VPS13B: variants seen among roughly 807,000 people sequenced by gnomAD.
The protein encoded by VPS13B is vacuolar protein sorting 13 homolog B.
In VPS13B, 285 loss-of-function variants were observed where a neutral mutation model predicts 426.4. That is an observed-to-expected ratio of 0.67 (90% confidence interval 0.61 to 0.74). The LOEUF is 0.74. VPS13B is among the 30% of genes least tolerant of loss of function. The pLI, the probability that VPS13B is intolerant of heterozygous loss-of-function variation, is 0.00. For synonymous variants in VPS13B, 1,676 were observed against 1,676.4 expected (o/e 1.00, Z 0.01); for missense variants, 4,537 against 4,782.6 (o/e 0.95, Z 1.51).
intron 19 of VPS13B, among the ~76,000 whole-genome samples, chr8:99,379,542 A>G (rs574679645): frequency 6.6e-6 from 1 of 152,230 alleles, no homozygotes; most frequent in East Asian, 1.9e-4. Flanking sequence ...GAAAATAATA[A>G]TTGGCTATCT....
At chr8:99,842,394 G>A (rs1815741149) in intron 54 of VPS13B, among the ~76,000 whole-genome samples, 1 of 151,788 alleles carries the variant, frequency 6.6e-6, no homozygotes, top group South Asian at 2.1e-4. Context: ...ATCACGTGGG[G>A]CCAGGAGTTT....
chr8:99,576,032 C>CA (rs1386667843), intron 32 of VPS13B, among the ~76,000 whole-genome samples: 1 of 152,088 alleles, frequency 6.6e-6, no homozygotes, highest in Non-Finnish European at 1.5e-5. Context: ...TTGTAGATGA[C>CA]AAAACTGAGG....
chr8:99,562,271 C>G (rs527828886), intron 31 of VPS13B, among the ~76,000 whole-genome samples: 3 of 148,994 alleles, frequency 2.0e-5, no homozygotes, highest in East Asian at 2.0e-4. Context: ...TGTCTTTTGC[C>G]CCCCCCATCC....
At position 99,431,535 on chromosome 8, in the gene VPS13B, A is replaced by C. The variant is rs1456528242; in HGVS notation, c.3083-2A>C. On this transcript the variant is annotated splice_acceptor_variant, in intron 21 of 61. Transcript: ENST00000357162. LOFTEE classifies it high-confidence loss of function. ...TAAATAATTAGCTATTCTCGTACTC[A>C]GAATCCCGCCCATTGTCAGTTCCTG... 2 of 1,613,300 alleles carry C rather than the reference A, an allele frequency of 1.2e-6. No individual in the cohort carries two copies. Among genetic ancestry groups the C allele is most frequent in the East Asian group, 4.5e-5 (2 of 44,750 alleles).
intron 39 of VPS13B, among the ~76,000 whole-genome samples, chr8:99,731,999 G>T (rs944779324): frequency 2.6e-5 from 4 of 152,124 alleles, no homozygotes; most frequent in African/African-American, 7.2e-5. Context: ...CCTGAGCAGT[G>T]CATGAATTAA....
chr8:99,106,918 T>C (rs1290631398), intron 5 of VPS13B, among the ~76,000 whole-genome samples: 2 of 152,188 alleles, frequency 1.3e-5, no homozygotes, highest in Non-Finnish European at 2.9e-5. Context: ...ATTTTTTTGC[T>C]CAGTGTACCA....
At chr8:99,287,811 T>C (rs1363518038) in intron 19 of VPS13B, among the ~76,000 whole-genome samples, 1 of 152,002 alleles carries the variant, frequency 6.6e-6, no homozygotes, top group Non-Finnish European at 1.5e-5. Context: ...TACTAAATGA[T>C]AAAACAAAGC....
In VPS13B at chr8:99,772,878, C is replaced by T. The variant is rs151024638; in HGVS notation, c.7248-3897C>T. Among the ~76,000 whole-genome samples, 13 of 152,244 alleles carry T rather than the reference C, an allele frequency of 8.5e-5. No individual in the cohort carries two copies. In the East Asian group the frequency reaches 2.1e-3, roughly 25 times the overall value. On this transcript the variant is annotated intron_variant, in intron 40 of 61. Transcript: ENST00000357162. ...CCATTCAGCACTCTCACGGGATGGACAGAGCAGTGTTCATGCAGTGGGTAG... is the reference window on the plus strand; with the variant it reads ...CCATTCAGCACTCTCACGGGATGGATAGAGCAGTGTTCATGCAGTGGGTAG...
At chr8:99,358,987 A>G (rs1460777128) in intron 19 of VPS13B, among the ~76,000 whole-genome samples, 1 of 152,212 alleles carries the variant, frequency 6.6e-6, no homozygotes, top group Admixed American at 6.5e-5. Flanking sequence ...TATTAACAAC[A>G]TAGCTTTGCA....
chr8:99,697,198 G>A (rs544921891), intron 35 of VPS13B: 10 of 558,278 alleles, frequency 1.8e-5, no homozygotes, highest in African/African-American at 1.1e-4. Flanking sequence ...GAGGTGGAGG[G>A]TGGGCAAGTG....
rs750058159 is a variant in VPS13B at position 99,386,513 on chromosome 8, CT to C, written c.2934+2198del. 2.0e-5 allele frequency among the ~76,000 whole-genome samples: 3 copies of C among 152,024 alleles called. No individual in the cohort carries two copies. The South Asian group carries it at 6.2e-4, about 32-fold the overall frequency. Reference sequence around the variant, plus strand: ...TACAGAGTATTACTGTACTGAATACCTTAGGCAATTGTAACACAAAGGTAAG... The same window carrying C: ...TACAGAGTATTACTGTACTGAATACCTAGGCAATTGTAACACAAAGGTAAG... On this transcript the variant is annotated intron_variant, in intron 20 of 61. Transcript: ENST00000357162.
intron 17 of VPS13B, among the ~76,000 whole-genome samples, chr8:99,199,170 C>CATT (rs1412370454): frequency 6.6e-6 from 1 of 151,994 alleles, no homozygotes; most frequent in African/African-American, 2.4e-5. Flanking sequence ...AAAGAAGAAC[C>CATT]ATTATTATTA....
In VPS13B at chr8:99,052,775, G is replaced by A. The variant is rs771633240; in HGVS notation, c.291+14209G>A. Among the ~76,000 whole-genome samples, 21 of 152,208 alleles carry A rather than the reference G, an allele frequency of 1.4e-4. 1 individual carries two copies. The highest frequency in any genetic ancestry group is 2.1e-4 in the South Asian group (1 of 4,814). ...TTAGTCTTGGGAGGGTGTATGTGTCGAAGAATTTATCCATTTCTTCTAGAT... is the reference window on the plus strand; with the variant it reads ...TTAGTCTTGGGAGGGTGTATGTGTCAAAGAATTTATCCATTTCTTCTAGAT... On this transcript the variant is annotated intron_variant, in intron 3 of 61. Transcript: ENST00000357162.
At chr8:99,215,328 GAATT>G (rs1815323430) in intron 17 of VPS13B, among the ~76,000 whole-genome samples, 1 of 152,070 alleles carries the variant, frequency 6.6e-6, no homozygotes, top group East Asian at 1.9e-4. Context: ...TAGATTATAG[GAATT>G]AATTGTTAAG....
chr8:99,338,916 T>C (rs1351305558), intron 19 of VPS13B, among the ~76,000 whole-genome samples: 1 of 152,136 alleles, frequency 6.6e-6, no homozygotes, highest in Non-Finnish European at 1.5e-5. Flanking sequence ...ATGAGGTATG[T>C]CAGACATGCA....
intron 19 of VPS13B, among the ~76,000 whole-genome samples, chr8:99,339,867 T>G (rs1275592165): frequency 6.6e-6 from 1 of 152,208 alleles, no homozygotes; most frequent in African/African-American, 2.4e-5. Flanking sequence ...AACTAAAATT[T>G]GTTGGACAGA....
chr8:99,210,608 T>A (rs545551869), intron 17 of VPS13B, among the ~76,000 whole-genome samples: 2 of 152,214 alleles, frequency 1.3e-5, no homozygotes, highest in East Asian at 1.9e-4. Context: ...GAAAAATATA[T>A]ATATATATAT....
At position 99,793,254 on chromosome 8, in the gene VPS13B, CATATATATATAT is replaced by C. The variant is rs779913773; in HGVS notation, c.7941+8798_7941+8809del. ...TTTGGAGACAGGGTCTTGCCCTCTC[CATATATATATAT>C]ATATATATATATATATATAAAATAC... On this transcript the variant is annotated intron_variant, in intron 43 of 61. Coordinates refer to ENST00000357162, the MANE Select transcript of VPS13B (RefSeq NM_152564.5). 8.9e-4 allele frequency among the ~76,000 whole-genome samples: 95 copies of C among 107,028 alleles called. 1 individual carries two copies. The East Asian group carries it at 0.017, about 19-fold the overall frequency. The allele number at this position is 107,028 out of a possible 152,430, so 70.2% of individuals were successfully genotyped here.
intron 4 of VPS13B, among the ~76,000 whole-genome samples, chr8:99,097,071 T>C (rs1846467260): frequency 6.6e-6 from 1 of 152,152 alleles, no homozygotes; most frequent in South Asian, 2.1e-4. Flanking sequence ...TCAAATTTCA[T>C]TGAGGAGAAC....
Sources: allele counts gnomAD v4.1 joint callset (sites outside exome capture counted in the v4.1 genomes callset), GRCh38; gene constraint gnomAD v4.1.1; transcripts MANE v1.5; gene names NCBI Gene and HGNC (gene_info 2026-07-23, HGNC 2026-07-21).